Variants in PARP1 observed in about 807,000 individuals in gnomAD.
PARP1 encodes the protein poly [ADP-ribose] polymerase 1.
Under a neutral mutation model 118.7 loss-of-function variants are expected in PARP1, and 44 were observed. The observed-to-expected ratio is 0.37, with a 90% CI of 0.29 to 0.48. The LOEUF is 0.48. PARP1 is among the 20% of genes least tolerant of loss of function. The pLI is 0.99. For missense variants in PARP1, 1,100 were observed against 1,272.4 expected, an observed-to-expected ratio of 0.86 and a Z score of 2.06; for synonymous variants, 492 against 483.2, an observed-to-expected ratio of 1.02 and a Z score of -0.24.
chr1:226,373,459 G>T (rs1026327452), intron 14 of PARP1, among the ~76,000 whole-genome samples: 1 of 152,194 alleles, frequency 6.6e-6, no homozygotes, highest in Admixed American at 6.5e-5. Context: ...CCCAGGGTCA[G>T]TACTTAAGAG....
In PARP1 at chr1:226,386,312, C is replaced by A. The variant is rs1401425509; in HGVS notation, c.834+14G>T. On this transcript the variant is annotated intron_variant, in intron 6 of 22. Transcript: ENST00000366794. ...CCTCACATGCGTGTCCCACTTAACA[C>A]AAAGGCAGCTCACCGCCGACTCCCC... is the stretch of plus-strand genomic sequence containing the variant. 2 of 1,534,612 alleles carry A rather than the reference C, an allele frequency of 1.3e-6. No homozygotes were observed. Among genetic ancestry groups the A allele is most frequent in the Admixed American group, 1.7e-5 (1 of 59,900 alleles).
intron 2 of PARP1, among the ~76,000 whole-genome samples, chr1:226,399,894 A>T (rs1194364529): frequency 6.6e-6 from 1 of 152,168 alleles, no homozygotes; most frequent in East Asian, 1.9e-4. Flanking sequence ...GCTATAAGAA[A>T]AAAAGTCTAC....
In PARP1 at chr1:226,379,219, G is replaced by A. The variant is rs1416206852; in HGVS notation, c.1668C>T (p.Thr556=). Residue 556 remains threonine, a synonymous_variant, in exon 12 of 23, where the codon ACC becomes ACT. Coordinates refer to ENST00000366794, the MANE Select transcript of PARP1 (RefSeq NM_001618.4). ...LEKGGKVFSA[T]LGLVDIVKGT... is the part of the protein sequence containing the mutation. The stretch of plus-strand genomic sequence containing the variant: ...CTTTAACGATGTCCACCAGGCCAAG[G>A]GTGGCACTGAAGACCTTCCCACCTT... 2 of 1,614,066 alleles carry A rather than the reference G, an allele frequency of 1.2e-6. No homozygotes were observed. The highest frequency in any genetic ancestry group is 2.2e-5 in the East Asian group (1 of 44,898).
At chr1:226,400,551 C>A (rs1331705007) in intron 2 of PARP1, among the ~76,000 whole-genome samples, 1 of 152,210 alleles carries the variant, frequency 6.6e-6, no homozygotes, top group Non-Finnish European at 1.5e-5. Context: ...AGCCTTGTTC[C>A]CTAGCACTGT....
intron 2 of PARP1, among the ~76,000 whole-genome samples, chr1:226,398,034 G>A (rs1276709574): frequency 6.6e-6 from 1 of 150,748 alleles, no homozygotes; most frequent in Admixed American, 6.6e-5. Context: ...TAACCAAAAT[G>A]GATAACAGAC....
chr1:226,371,280 G>A (rs1173532881), intron 14 of PARP1, among the ~76,000 whole-genome samples: 3 of 152,310 alleles, frequency 2.0e-5, no homozygotes, highest in Admixed American at 6.5e-5. Context: ...CTGAGACATC[G>A]TCTCTGGGGC....
chr1:226,386,859 C>T (rs1300390501), intron 5 of PARP1, among the ~76,000 whole-genome samples: 4 of 152,194 alleles, frequency 2.6e-5, no homozygotes, highest in African/African-American at 9.7e-5. Flanking sequence ...GATTCGCAAA[C>T]ACCAATTTCC....
At chr1:226,391,057 A>C (rs1416087893) in intron 3 of PARP1, among the ~76,000 whole-genome samples, 3 of 142,418 alleles carry the variant, frequency 2.1e-5, no homozygotes, top group Non-Finnish European at 4.5e-5. Context: ...GCTGGAGTGC[A>C]GTGACTTGAT....
chr1:226,388,692 T>C lies in PARP1; in HGVS notation c.681A>G (p.Glu227=). Residue 227 remains glutamate, a synonymous_variant, in exon 5 of 23, where the codon GAA becomes GAG. Transcript: ENST00000366794. ...TTTCAAGCTTACTATCCTTGTCTTT[T>C]TCTTTTTTAGATTTCTTCTTCGCCA... is the stretch of plus-strand genomic sequence containing the variant. ...DEVAKKKSKK[E]KDKDSKLEKA... is the part of the protein sequence containing the mutation. 2.5e-6 allele frequency: 4 copies of C among 1,614,142 alleles called. No homozygotes were observed. Among genetic ancestry groups the C allele is most frequent in the Non-Finnish European group, 3.4e-6 (4 of 1,179,962 alleles).
chr1:226,374,134 C>G lies in PARP1; in HGVS notation c.2070+92G>C. On this transcript the variant is annotated intron_variant, in intron 14 of 22. Coordinates refer to ENST00000366794, the MANE Select transcript of PARP1 (RefSeq NM_001618.4). ...GACAGCCAATGTATTGTTTTTGAAA[C>G]AGAAACAAGAACAGGCAGACAGCTC... The G allele has an allele frequency of 1.2e-5, 18 of 1,470,162 alleles. No individual in the cohort carries two copies. The South Asian group carries it at 1.9e-4, about 16-fold the overall frequency. The allele number at this position is 1,470,162 out of a possible 1,614,324, so 91.1% of individuals were successfully genotyped here.
In PARP1 at chr1:226,381,108, C is replaced by T. The variant is rs1425879549; in HGVS notation, c.1260G>A (p.Thr420=). The T allele has an allele frequency of 5.0e-6, 8 of 1,614,196 alleles. No homozygotes were observed. Among genetic ancestry groups the T allele is most frequent in the South Asian group, 2.2e-5 (2 of 91,088 alleles). ...ACAGGGAAGCCTTGTTGGCCGTCCCCGTCAACTTCCCCCCGAGTTTCTCAA... is the reference window on the plus strand; with the variant it reads ...ACAGGGAAGCCTTGTTGGCCGTCCCTGTCAACTTCCCCCCGAGTTTCTCAA... The part of the protein sequence containing the change: ...AMIEKLGGKL[T]GTANKASLCI... Residue 420 remains threonine, a synonymous_variant, in exon 9 of 23, where the codon ACG becomes ACA. Coordinates refer to ENST00000366794, the MANE Select transcript of PARP1 (RefSeq NM_001618.4).
In PARP1 at chr1:226,381,340, A is replaced by C. The variant is rs1367718163; in HGVS notation, c.1160-132T>G. 3.2e-6 allele frequency: 3 copies of C among 943,398 alleles called. No homozygotes were observed. In the African/African-American group the frequency reaches 4.9e-5, roughly 15 times the overall value. The allele number at this position is 943,398 out of a possible 1,614,324, so 58.4% of individuals were successfully genotyped here. ...CCTATGAAAATACACTCGCGAGAAAACAGGACGGGACAGCAAGCTGCCACC... is the reference window on the plus strand; with the variant it reads ...CCTATGAAAATACACTCGCGAGAAACCAGGACGGGACAGCAAGCTGCCACC... On this transcript the variant is annotated intron_variant, in intron 8 of 22. Transcript: ENST00000366794.
chr1:226,364,167 T>C, intron 19 of PARP1, 97 bp from the exon 20 acceptor site: 1 of 1,173,580 alleles, frequency 8.5e-7, no homozygotes, highest in Non-Finnish European at 1.3e-6. Context: ...CCCAGCTAAG[T>C]GCTGCAATCC....
rs758284377 is a variant in PARP1, at chr1:226,377,212, G to C, written c.1837C>G (p.His613Asp). 11 of 1,613,854 alleles carry C rather than the reference G, an allele frequency of 6.8e-6. No individual in the cohort carries two copies. The highest frequency in any genetic ancestry group is 8.5e-6 in the Non-Finnish European group (10 of 1,179,758). ...QMPSKEDAIE[H>D]FMKLYEEKTG... ...TTTTCTTCATATAATTTCATGAAGTGCTCAATGGCATCCTCCTTGGACGGC... is the reference window on the plus strand; with the variant it reads ...TTTTCTTCATATAATTTCATGAAGTCCTCAATGGCATCCTCCTTGGACGGC... The change falls in exon 13 of 23, where the codon CAC becomes GAC. Residue 613 changes from histidine (H) to aspartate (D), a missense_variant. This residue lies in a region of PARP1 where 948 missense variants were observed against 1,031.8 expected (regional missense o/e 0.92). Transcript: ENST00000366794.
rs61750985 is a variant in PARP1, at chr1:226,386,375, T to C, written c.785A>G (p.Lys262Arg). The change falls in exon 6 of 23, where the codon AAG (lysine) becomes AGG (arginine). Residue 262 changes from lysine to arginine, a missense_variant. Lys to Arg is a conservative substitution (Grantham distance 26). This residue lies in a region of PARP1 where 948 missense variants were observed against 1,031.8 expected (regional missense o/e 0.92). Coordinates refer to ENST00000366794, the MANE Select transcript of PARP1 (RefSeq NM_001618.4). ...LKKVCSTNDL[K>R]ELLIFNKQQV... ...CTGCTTGTTGAAGATGAGTAGCTCC[T>C]TCAGGTCATTAGTTGAACACACTTT... 2.4e-5 allele frequency: 39 copies of C among 1,613,932 alleles called. No individual in the cohort carries two copies. The highest frequency in any genetic ancestry group is 1.3e-4 in the Admixed American group (8 of 60,010).
At chr1:226,367,290 G>C (rs184475872) in intron 17 of PARP1, 190 bp downstream of exon 17, 82 of 681,504 alleles carry the variant, frequency 1.2e-4, no homozygotes, top group Middle Eastern at 4.1e-4. Context: ...ATCTACACGT[G>C]AAACGCCCAA....
intron 19 of PARP1, chr1:226,364,372 C>T: frequency 2.6e-6 from 1 of 381,886 alleles, no homozygotes; most frequent in Non-Finnish European, 5.1e-6. Flanking sequence ...GGAATGAGCT[C>T]ATCAGTGTTA....
At chr1:226,397,414 G>A (rs1664945281) in intron 2 of PARP1, among the ~76,000 whole-genome samples, 1 of 151,318 alleles carries the variant, frequency 6.6e-6, no homozygotes, top group African/African-American at 2.4e-5. Flanking sequence ...TAACCTGTTT[G>A]CAGTAAGCAG....
intron 2 of PARP1, among the ~76,000 whole-genome samples, chr1:226,399,415 A>G (rs749514972): frequency 3.3e-5 from 5 of 152,140 alleles, no homozygotes; most frequent in South Asian, 2.1e-4. Context: ...AGAGAAGCCA[A>G]TCTGAAAAGG....
Sources: gnomAD v4.1 joint callset for allele counts (sites outside exome capture counted in the v4.1 genomes callset) on GRCh38, gnomAD v4.1.1 for gene constraint, gnomAD v4.1.1 regional missense constraint, MANE v1.5 for transcripts, NCBI Gene and HGNC (gene_info 2026-07-23, HGNC 2026-07-21) for gene names.